Variants in SMARCAD1 observed in about 807,000 individuals in gnomAD.
SMARCAD1 encodes SWI/SNF-related matrix-associated actin-dependent regulator of chromatin subfamily A containing DEAD/H box 1.
A neutral mutation model predicts 127.1 loss-of-function variants in SMARCAD1; 25 were observed. The ratio of observed to expected loss-of-function variants is 0.20; its 90% CI spans 0.14 to 0.27. The LOEUF is 0.27. Ranked by LOEUF, SMARCAD1 falls within the 10% of genes least tolerant of loss-of-function variation. SMARCAD1 has a pLI of 1.00. For missense variants in SMARCAD1, 807 were observed against 1,206.0 expected (o/e 0.67, Z 4.90); for synonymous variants, 400 against 396.9 (o/e 1.01, Z -0.09).
Position 94,280,705 on chromosome 4 carries a change from G to C in SMARCAD1, c.2532G>C (p.Gln844His), listed in dbSNP as rs776444789. ...AGTACCGACACATTAATAACTTTCA[G>C]TTAGACATGGACTTGATTTTAGATT... ...CKQYRHINNF[Q>H]LDMDLILDSG... is the part of the protein sequence containing the mutation. Residue 844 changes from glutamine to histidine, a missense_variant, in exon 20 of 24, where the codon CAG becomes CAC. Around this residue, in one of 8 missense-constraint regions of SMARCAD1, gnomAD observed 99 missense variants for 126.0 expected, o/e 0.79. Transcript: ENST00000354268. 2 of 1,613,742 alleles carry C rather than the reference G, an allele frequency of 1.2e-6. No individual in the cohort carries two copies. Among genetic ancestry groups the C allele is most frequent in the Non-Finnish European group, 1.7e-6 (2 of 1,179,840 alleles).
rs1254681955 is a variant in SMARCAD1 at position 94,290,626 on chromosome 4, G to T, written c.*1092G>T. On this transcript the variant is annotated 3_prime_UTR_variant, in exon 24 of 24. Coordinates refer to ENST00000354268, the MANE Select transcript of SMARCAD1 (RefSeq NM_020159.5). ...ATTGTTCAATTCCAATTCAGTGTGA[G>T]TGACAAAGTGAAATTTAGAAGTGAA... 3 of 454,278 alleles carry T rather than the reference G, an allele frequency of 6.6e-6. No homozygotes were observed. The highest frequency in any genetic ancestry group is 6.9e-4 in the Middle Eastern group (1 of 1,444). 28.1% of individuals were successfully genotyped at this position (454,278 alleles called of 1,614,324 possible).
chr4:94,257,438 C>T (rs7657789), intron 9 of SMARCAD1, among the ~76,000 whole-genome samples: 83,179 of 151,742 alleles, frequency 0.55, 23,301 homozygotes, highest in East Asian at 0.72. Context: ...CCCACATTTA[C>T]AGGGTACTTT....
chr4:94,213,333 A>G (rs1742591363), intron 2 of SMARCAD1, among the ~76,000 whole-genome samples: 1 of 152,158 alleles, frequency 6.6e-6, no homozygotes, highest in Non-Finnish European at 1.5e-5. Flanking sequence ...CAATGAAATC[A>G]TTGTTTACTG....
At chr4:94,256,392 C>T (rs1232371769) in intron 9 of SMARCAD1, among the ~76,000 whole-genome samples, 3 of 152,074 alleles carry the variant, frequency 2.0e-5, no homozygotes, top group African/African-American at 7.2e-5. Flanking sequence ...GACAGAGTTT[C>T]GCTCTTGTCA....
chr4:94,290,124 A>G lies in SMARCAD1; in HGVS notation c.*590A>G, dbSNP rs1304109437. ...TACTAACATCCCCCAGGTCCTCTCA[A>G]GTACTTCTGCTGAAACAAATTTATT... On this transcript the variant is annotated 3_prime_UTR_variant, in exon 24 of 24. Coordinates refer to ENST00000354268, the MANE Select transcript of SMARCAD1 (RefSeq NM_020159.5). 4 of 454,410 alleles carry G rather than the reference A, an allele frequency of 8.8e-6. No homozygotes were observed. The highest frequency in any genetic ancestry group is 4.7e-5 in the Admixed American group (2 of 42,552). The allele number at this position is 454,410 out of a possible 1,614,324, so 28.1% of individuals were successfully genotyped here. A position where few individuals can be genotyped will look rare whatever the true frequency, so the allele number is the denominator to read the frequency against.
intron 12 of SMARCAD1, 50 bp from the exon 13 acceptor site, chr4:94,274,688 G>T (rs1404409384): frequency 6.6e-7 from 1 of 1,511,554 alleles, no homozygotes; most frequent in Admixed American, 1.7e-5. Context: ...TTAACCATGT[G>T]AACATACCCT....
At position 94,231,852 on chromosome 4, in the gene SMARCAD1, A is replaced by ATTTTTCTTTTTCTTTCC. The variant is rs879408012; in HGVS notation, c.369-2090_369-2074dup. Among the ~76,000 whole-genome samples, 318 of 151,808 alleles carry ATTTTTCTTTTTCTTTCC rather than the reference A, an allele frequency of 2.1e-3. 1 individual carries two copies. Among genetic ancestry groups the ATTTTTCTTTTTCTTTCC allele is most frequent in the Non-Finnish European group, 3.6e-3 (242 of 67,894 alleles). On this transcript the variant is annotated intron_variant, in intron 3 of 23. Transcript: ENST00000354268. ...TCAAGTCTTTTCTCAGAAAAAACAG[A>ATTTTTCTTTTTCTTTCC]TTTTTCTTTTTCTTTCCTTTTTCTT...
chr4:94,273,522 A>T (rs1307773088), intron 11 of SMARCAD1, 95 bp from the exon 12 acceptor site: 1 of 912,364 alleles, frequency 1.1e-6, no homozygotes, highest in Non-Finnish European at 1.7e-6. Context: ...TCAAAAGTGA[A>T]TACAGCACAG....
intron 9 of SMARCAD1, among the ~76,000 whole-genome samples, chr4:94,256,009 A>G (rs111672941): frequency 0.036 from 5,515 of 152,226 alleles, 114 homozygotes; most frequent in Middle Eastern, 0.054. Flanking sequence ...TGGAATTTTT[A>G]TTGCCAAATT....
In SMARCAD1 at chr4:94,233,829, T is replaced by C. The variant is rs1212055595; in HGVS notation, c.369-125T>C. 12 of 1,026,534 alleles carry C rather than the reference T, an allele frequency of 1.2e-5. No individual in the cohort carries two copies. The East Asian group carries it at 2.1e-4, about 18-fold the overall frequency. The allele number at this position is 1,026,534 out of a possible 1,614,324, so 63.6% of individuals were successfully genotyped here. A position where few individuals can be genotyped will look rare whatever the true frequency, so the allele number is the denominator to read the frequency against. The stretch of plus-strand genomic sequence containing the variant: ...AAAAAAGGTCTCTTTCTGACAAGTA[T>C]AGATTGCATTTACTATTGAAAAGAA... On this transcript the variant is annotated intron_variant, in intron 3 of 23. Coordinates refer to ENST00000354268, the MANE Select transcript of SMARCAD1 (RefSeq NM_020159.5).
chr4:94,247,623 G>T (rs1192991672), intron 6 of SMARCAD1, among the ~76,000 whole-genome samples: 1 of 152,066 alleles, frequency 6.6e-6, no homozygotes, highest in East Asian at 1.9e-4. Context: ...TTCCTGTCTA[G>T]TTCCAAACGC....
At chr4:94,270,510 T>TC (rs1320714403) in intron 10 of SMARCAD1, 2 of 474,080 alleles carry the variant, frequency 4.2e-6, no homozygotes, top group East Asian at 8.0e-5. Flanking sequence ...TGCTTGATTC[T>TC]TACTGCCAGA....
chr4:94,256,408 G>C (rs1750084093), intron 9 of SMARCAD1, among the ~76,000 whole-genome samples: 1 of 152,052 alleles, frequency 6.6e-6, no homozygotes, highest in Admixed American at 6.6e-5. Flanking sequence ...TGTCACTTAG[G>C]CTGGAGTGCA....
intron 12 of SMARCAD1, among the ~76,000 whole-genome samples, chr4:94,274,356 C>T (rs1055751922): frequency 2.0e-5 from 3 of 152,052 alleles, no homozygotes; most frequent in South Asian, 2.1e-4. Flanking sequence ...AAGACAGTCT[C>T]GCTGTGTCAC....
chr4:94,269,352 G>A (rs952098956), intron 10 of SMARCAD1, among the ~76,000 whole-genome samples: 2 of 152,196 alleles, frequency 1.3e-5, no homozygotes, highest in Non-Finnish European at 2.9e-5. Context: ...TGGAGAATGG[G>A]AGGCATGGCC....
chr4:94,208,671 T>C, intron 2 of SMARCAD1, 87 bp downstream of exon 2: 1 of 1,257,018 alleles, frequency 8.0e-7, no homozygotes, highest in Non-Finnish European at 1.1e-6. Context: ...TTATTCTTGA[T>C]GTCATATATA....
intron 2 of SMARCAD1, among the ~76,000 whole-genome samples, chr4:94,213,398 T>C (rs1458677363): frequency 6.6e-6 from 1 of 152,084 alleles, no homozygotes; most frequent in African/African-American, 2.4e-5. Context: ...GAGTCTAATA[T>C]GTGTGTGGAG....
At position 94,290,453 on chromosome 4, in the gene SMARCAD1, A is replaced by G. The variant is rs1475704049; in HGVS notation, c.*919A>G. The G allele has an allele frequency of 4.4e-6, 2 of 454,516 alleles. No individual in the cohort carries two copies. Among genetic ancestry groups the G allele is most frequent in the Non-Finnish European group, 4.4e-6 (1 of 226,772 alleles). The allele number at this position is 454,516 out of a possible 1,614,324, so 28.2% of individuals were successfully genotyped here. A position where few individuals can be genotyped will look rare whatever the true frequency, so the allele number is the denominator to read the frequency against. On this transcript the variant is annotated 3_prime_UTR_variant, in exon 24 of 24. Transcript: ENST00000354268. ...CTGGCAGAACAGATTACTTAAAGCT[A>G]TTTCATTTCAAAGCAGACTGAATGT...
At chr4:94,229,271 A>G (rs1297871969) in intron 3 of SMARCAD1, among the ~76,000 whole-genome samples, 1 of 152,182 alleles carries the variant, frequency 6.6e-6, no homozygotes, top group Admixed American at 6.5e-5. Flanking sequence ...TATGATAATG[A>G]TGGTGGGAAA....
Sources: allele counts gnomAD v4.1 joint callset (sites outside exome capture counted in the v4.1 genomes callset), GRCh38; gene constraint gnomAD v4.1.1; regional missense constraint gnomAD v4.1.1; transcripts MANE v1.5; gene names NCBI Gene and HGNC (gene_info 2026-07-23, HGNC 2026-07-21).